NECTIN3: variants seen among roughly 807,000 people sequenced by gnomAD.
The protein encoded by NECTIN3 is nectin-3.
In NECTIN3, 8 loss-of-function variants were observed where a neutral mutation model predicts 49.4. The observed-to-expected ratio is 0.16, with a 90% CI of 0.10 to 0.29. The LOEUF is 0.29. Among genes scored for constraint, NECTIN3 ranks in the 10% least tolerant of loss-of-function variants. NECTIN3 has a pLI of 1.00. For synonymous variants in NECTIN3, 277 were observed against 241.1 expected (o/e 1.15, Z -1.38); for missense variants, 581 against 654.6 (o/e 0.89, Z 1.23).
At chr3:111,160,119 C>A (rs2035180063) in intron 7 of NECTIN3, among the ~76,000 whole-genome samples, 1 of 152,138 alleles carries the variant, frequency 6.6e-6, no homozygotes, top group Non-Finnish European at 1.5e-5. Context: ...TGGAACAAAA[C>A]AGAATACTCC....
At chr3:111,181,491 G>A (rs1474200492) in intron 7 of NECTIN3, among the ~76,000 whole-genome samples, 15 of 152,118 alleles carry the variant, frequency 9.9e-5, no homozygotes, top group Non-Finnish European at 1.5e-4. Flanking sequence ...GAGTTTCAAA[G>A]TATTCTCTTT....
At chr3:111,147,340 T>C (rs2034896880) in intron 6 of NECTIN3, 1 of 1,256,444 alleles carries the variant, frequency 8.0e-7, no homozygotes, top group Non-Finnish European at 1.1e-6. Flanking sequence ...AACCTTGATT[T>C]TCTTTTGCTT....
intron 7 of NECTIN3, among the ~76,000 whole-genome samples, chr3:111,176,100 A>G (rs2035523472): frequency 6.6e-6 from 1 of 152,188 alleles, no homozygotes. Context: ...TAGGGGCCAG[A>G]AGAAAATACC....
In NECTIN3 at chr3:111,136,141, C is replaced by T; in HGVS notation, c.*1926C>T. The T allele has an allele frequency of 1.0e-6, 1 of 983,012 alleles. No homozygotes were observed. Among genetic ancestry groups the T allele is most frequent in the South Asian group, 4.7e-5 (1 of 21,220 alleles). The allele number at this position is 983,012 out of a possible 1,614,324, so 60.9% of individuals were successfully genotyped here. On this transcript the variant is annotated 3_prime_UTR_variant, in exon 6 of 6. Coordinates refer to ENST00000485303, the MANE Select transcript of NECTIN3 (RefSeq NM_015480.3). ...CCCCATGAAAGATGTAAAACTATGG[C>T]TTTTTTTAAAATCAAAATTTCATCT... is the stretch of plus-strand genomic sequence containing the variant.
intron 5 of NECTIN3, among the ~76,000 whole-genome samples, chr3:111,143,857 T>G (rs996001913): frequency 6.6e-6 from 1 of 152,048 alleles, no homozygotes; most frequent in Non-Finnish European, 1.5e-5. Context: ...CTTGGCAGAT[T>G]ATTTAACTTC....
intron 6 of NECTIN3, among the ~76,000 whole-genome samples, chr3:111,146,282 A>T (rs1047113994): frequency 1.4e-4 from 21 of 151,688 alleles, no homozygotes; most frequent in Non-Finnish European, 2.6e-4. Flanking sequence ...AAAATACAAA[A>T]AATTAGCCGG....
chr3:111,133,753 A>G lies in NECTIN3; in HGVS notation c.1188A>G (p.Thr396=). 6.2e-7 allele frequency: 1 copy of G among 1,613,970 alleles called. No homozygotes were observed. The highest frequency in any genetic ancestry group is 1.3e-5 in the African/African-American group (1 of 75,032). The stretch of plus-strand genomic sequence containing the variant: ...CCTTCCCATTGTCAACTTTGGCAAC[A>G]ATTAAGGATGACACAATTGCCACGA... The part of the protein sequence containing the change: ...KLPFPLSTLA[T]IKDDTIATII... Residue 396 remains threonine (T), a synonymous_variant, in exon 6 of 6, where the codon ACA becomes ACG. Coordinates refer to ENST00000485303, the MANE Select transcript of NECTIN3 (RefSeq NM_015480.3).
rs563863197 is a variant in NECTIN3 at position 111,129,411 on chromosome 3, A to G, written c.1069+3076A>G. ...CCCTCAGAACGTAAGTCTAAACATA[A>G]AGCCTGCTTTAATTACTGCTATATT... On this transcript the variant is annotated intron_variant, in intron 5 of 5. Coordinates refer to ENST00000485303, the MANE Select transcript of NECTIN3 (RefSeq NM_015480.3). Among the ~76,000 whole-genome samples, 9 of 152,228 alleles carry G rather than the reference A, an allele frequency of 5.9e-5. No homozygotes were observed. In the East Asian group the frequency reaches 1.4e-3, roughly 23 times the overall value.
chr3:111,103,126 C>G (rs2032999604), intron 1 of NECTIN3, among the ~76,000 whole-genome samples: 1 of 152,084 alleles, frequency 6.6e-6, no homozygotes, highest in Admixed American at 6.6e-5. Flanking sequence ...GTTGACTCTT[C>G]TGGGTCTTTT....
At chr3:111,164,637 G>A (rs1312710136) in intron 7 of NECTIN3, among the ~76,000 whole-genome samples, 2 of 152,162 alleles carry the variant, frequency 1.3e-5, no homozygotes, top group African/African-American at 4.8e-5. Flanking sequence ...TCTAGCTTCC[G>A]TTGGTTGCTG....
At chr3:111,143,420 C>T (rs1043577215) in intron 5 of NECTIN3, among the ~76,000 whole-genome samples, 1 of 151,688 alleles carries the variant, frequency 6.6e-6, no homozygotes, top group Non-Finnish European at 1.5e-5. Flanking sequence ...CAAAATGAGC[C>T]ATTAATAAAC....
intron 5 of NECTIN3, among the ~76,000 whole-genome samples, chr3:111,129,640 G>A (rs75895598): frequency 0.013 from 2,037 of 151,594 alleles, 48 homozygotes; most frequent in African/African-American, 0.047. Context: ...AAGAAGTGGC[G>A]TTATATGAGA....
Position 111,072,059 on chromosome 3 carries a change from C to T in NECTIN3, c.42C>T (p.Gly14=), listed in dbSNP as rs1415390762. Residue 14 remains glycine (G), a synonymous_variant, in exon 1 of 6, where the codon GGC becomes GGT. Transcript: ENST00000485303. ...GGCCGTCCCCGCTGTGTCCTGGAGG[C>T]GGCAAAGCACAACTTTCCTCCGCTT... ...TLRPSPLCPG[G]GKAQLSSASL... 3.2e-6 allele frequency: 5 copies of T among 1,547,984 alleles called. No homozygotes were observed. In the African/African-American group the frequency reaches 4.1e-5, roughly 13 times the overall value.
intron 7 of NECTIN3, among the ~76,000 whole-genome samples, chr3:111,161,431 G>T (rs189907770): frequency 6.6e-6 from 1 of 152,232 alleles, no homozygotes. Context: ...ATTGGTAAAG[G>T]GAAGGTTCTC....
At chr3:111,184,422 G>A (rs73854926) in intron 7 of NECTIN3, among the ~76,000 whole-genome samples, 4,990 of 152,108 alleles carry the variant, frequency 0.033, 94 homozygotes, top group Middle Eastern at 0.058. Flanking sequence ...TAGTTATCTC[G>A]AGACTCCAGC....
intron 4 of NECTIN3, 61 bp downstream of exon 4, chr3:111,122,299 T>C (rs2033990422): frequency 1.5e-6 from 2 of 1,306,484 alleles, no homozygotes; most frequent in Admixed American, 2.0e-5. Context: ...AAATCCCCAT[T>C]CTAAATTGTT....
intron 1 of NECTIN3, chr3:111,193,202 T>G: frequency 6.5e-7 from 1 of 1,535,058 alleles, no homozygotes; most frequent in Non-Finnish European, 8.7e-7. Flanking sequence ...ATTTTTAGAA[T>G]GGACTAAATA....
At chr3:111,175,544 A>C (rs181382234) in intron 7 of NECTIN3, among the ~76,000 whole-genome samples, 5 of 152,096 alleles carry the variant, frequency 3.3e-5, no homozygotes, top group Non-Finnish European at 7.4e-5. Flanking sequence ...GGGCCCATAC[A>C]TTCTTTCACA....
At chr3:111,167,983 C>T (rs2035352684) in intron 7 of NECTIN3, among the ~76,000 whole-genome samples, 1 of 152,040 alleles carries the variant, frequency 6.6e-6, no homozygotes, top group East Asian at 1.9e-4. Flanking sequence ...TTATTTCAGA[C>T]TTCAGAATAT....
Sources: gnomAD v4.1 joint callset for allele counts (sites outside exome capture counted in the v4.1 genomes callset) on GRCh38, gnomAD v4.1.1 for gene constraint, MANE v1.5 for transcripts, NCBI Gene and HGNC (gene_info 2026-07-23, HGNC 2026-07-21) for gene names.